The following RYR2 variants were observed in gnomAD, a reference collection of about 807,000 sequenced individuals.
RYR2 encodes the protein cardiac muscle ryanodine receptor-calcium release channel.
In RYR2, 227 loss-of-function variants were observed where a neutral mutation model predicts 601.1. The observed-to-expected ratio is 0.38, with a 90% CI of 0.34 to 0.42. The LOEUF (loss-of-function observed/expected upper bound fraction) is 0.42, where lower values mean the gene tolerates loss of function less well. RYR2 is among the 10% of genes least tolerant of loss of function. The probability of loss-of-function intolerance (pLI) is 1.00; values close to 1 mark genes in which losing one functional copy is unlikely to be tolerated. For missense variants in RYR2, 4,646 were observed against 6,156.5 expected (o/e 0.75, Z 8.21); for synonymous variants, 2,223 against 2,175.1 (o/e 1.02, Z -0.61).
intron 1 of RYR2, among the ~76,000 whole-genome samples, chr1:237,100,390 C>CCTCTCTCT (rs34925489): frequency 1.4e-5 from 2 of 146,116 alleles, no homozygotes; most frequent in African/African-American, 5.0e-5. Context: ...TTTTTTCTTT[C>CCTCTCTCT]CTCTCTCTCT....
At chr1:237,344,467 A>G (rs1698121396) in intron 3 of RYR2, among the ~76,000 whole-genome samples, 1 of 152,188 alleles carries the variant, frequency 6.6e-6, no homozygotes, top group African/African-American at 2.4e-5. Context: ...CACTTAATTC[A>G]GGTATATATT....
intron 1 of RYR2, among the ~76,000 whole-genome samples, chr1:237,138,423 C>T (rs1673039336): frequency 6.6e-6 from 1 of 151,998 alleles, no homozygotes. Context: ...AGAACCATGG[C>T]CTAGGAGACA....
chr1:237,520,283 A>G (rs1354526734), intron 24 of RYR2, among the ~76,000 whole-genome samples: 1 of 152,164 alleles, frequency 6.6e-6, no homozygotes, highest in Non-Finnish European at 1.5e-5. Flanking sequence ...TTTCCAGTTT[A>G]GATGCCATTT....
rs372575878 is a variant in RYR2, at chr1:237,506,725, C to T, written c.2629C>T (p.His877Tyr). Residue 877 changes from histidine (H) to tyrosine (Y), a missense_variant, in exon 23 of 105, where the codon CAT becomes TAT. Transcript: ENST00000366574. ...VDTSQIVLPP[H>Y]LERIREKLAE... is the part of the protein sequence containing the mutation. ...TAAATTTTAGATCGTGTTGCCTCCT[C>T]ATCTAGAAAGAATAAGAGAAAAACT... The T allele has an allele frequency of 9.6e-5, 154 of 1,612,410 alleles. No individual in the cohort carries two copies. The highest frequency in any genetic ancestry group is 1.3e-4 in the Admixed American group (8 of 59,868).
intron 20 of RYR2, among the ~76,000 whole-genome samples, chr1:237,499,486 C>T (rs919052096): frequency 3.3e-5 from 5 of 152,054 alleles, no homozygotes; most frequent in Admixed American, 2.0e-4. Context: ...TAATAGATAT[C>T]GTGTAAATAA....
chr1:237,581,850 A>T (rs891824416), intron 29 of RYR2, among the ~76,000 whole-genome samples: 1 of 152,196 alleles, frequency 6.6e-6, no homozygotes, highest in African/African-American at 2.4e-5. Flanking sequence ...TTGTCAGAGG[A>T]AGGAAGAAAT....
intron 44 of RYR2, among the ~76,000 whole-genome samples, chr1:237,636,310 A>C (rs1366848805): frequency 6.6e-6 from 1 of 152,096 alleles, no homozygotes; most frequent in Admixed American, 6.5e-5. Context: ...CTGCCTTTAG[A>C]GAACAGTGTC....
intron 60 of RYR2, among the ~76,000 whole-genome samples, chr1:237,675,524 C>T (rs887133739): frequency 3.3e-5 from 5 of 152,132 alleles, no homozygotes; most frequent in Non-Finnish European, 7.4e-5. Context: ...CGTAGTAATA[C>T]GATGTAAGGA....
At chr1:237,379,928 G>A (rs1250409341) in intron 8 of RYR2, among the ~76,000 whole-genome samples, 3 of 152,110 alleles carry the variant, frequency 2.0e-5, no homozygotes, top group Admixed American at 2.0e-4. Context: ...TATGGACCTA[G>A]CATATAGCAG....
Position 237,445,135 on chromosome 1 carries a change from C to T in RYR2, c.1171-266C>T, listed in dbSNP as rs74147271. Among the ~76,000 whole-genome samples, 5,659 of 152,078 alleles carry T rather than the reference C, an allele frequency of 0.037. 236 individuals are homozygous for T. Among genetic ancestry groups the T allele is most frequent in the African/African-American group, 0.11 (4,443 of 41,460 alleles). On this transcript the variant is annotated intron_variant, in intron 13 of 104. Coordinates refer to ENST00000366574, the MANE Select transcript of RYR2 (RefSeq NM_001035.3). ...GGCAGAGGGAGAAGGATCACTGAAG[C>T]CCAGGAGTTCAAGACCAGCCTGGGC... is the stretch of plus-strand genomic sequence containing the variant.
chr1:237,113,445 C>A (rs1222091846), intron 1 of RYR2, among the ~76,000 whole-genome samples: 2 of 152,088 alleles, frequency 1.3e-5, no homozygotes, highest in African/African-American at 4.8e-5. Context: ...AGATGATCCA[C>A]CTGCCTCAGC....
intron 1 of RYR2, among the ~76,000 whole-genome samples, chr1:237,142,197 A>C (rs1193485688): frequency 6.6e-6 from 1 of 152,190 alleles, no homozygotes; most frequent in African/African-American, 2.4e-5. Flanking sequence ...AGGCATACAC[A>C]CTTGAGCACA....
At chr1:237,358,506 G>A (rs914513496) in intron 4 of RYR2, among the ~76,000 whole-genome samples, 1 of 151,940 alleles carries the variant, frequency 6.6e-6, no homozygotes, top group African/African-American at 2.4e-5. Context: ...CTCTGTGGGC[G>A]CTTGGCATTG....
Position 237,784,571 on chromosome 1 carries a change from T to A in RYR2, c.12859T>A (p.Tyr4287Asn), listed in dbSNP as rs190009333. ...KDMVTAFFSS[Y>N]WSIFMTLLHF... The stretch of plus-strand genomic sequence containing the variant: ...CATGGTCACGGCCTTCTTTTCATCC[T>A]ACTGGAGTATTTTCATGACCCTCTT... Residue 4287 changes from tyrosine to asparagine, a missense_variant, in exon 90 of 105, where the codon TAC becomes AAC. Transcript: ENST00000366574. This position sits in a 1 kb window ranked among gnomAD's most constrained non-coding sequence, Gnocchi z 7.1. 3 of 1,613,992 alleles carry A rather than the reference T, an allele frequency of 1.9e-6. No homozygotes were observed. In the Admixed American group the frequency reaches 5.0e-5, roughly 27 times the overall value.
At chr1:237,119,487 T>C (rs1387287243) in intron 1 of RYR2, among the ~76,000 whole-genome samples, 2 of 152,080 alleles carry the variant, frequency 1.3e-5, no homozygotes, top group Non-Finnish European at 2.9e-5. Context: ...TCTGAATGCT[T>C]GAGTTGGTCA....
rs889487335 is a variant in RYR2, at chr1:237,670,904, T to C, written c.8590+2946T>C. 3.9e-5 allele frequency among the ~76,000 whole-genome samples: 6 copies of C among 152,260 alleles called. No individual in the cohort carries two copies. In the East Asian group the frequency reaches 1.2e-3, roughly 29 times the overall value. Reference sequence around the variant, plus strand: ...TTGGAACATTTGGATTTCAGATTTTTAGATTAGACCTATTCAACCTATATG... The same window carrying C: ...TTGGAACATTTGGATTTCAGATTTTCAGATTAGACCTATTCAACCTATATG... On this transcript the variant is annotated intron_variant, in intron 58 of 104. Transcript: ENST00000366574.
intron 10 of RYR2, among the ~76,000 whole-genome samples, chr1:237,402,407 AAT>A (rs1553437929): frequency 1.3e-3 from 188 of 150,014 alleles, no homozygotes; most frequent in African/African-American, 4.1e-3. Flanking sequence ...AAGAAAAAAA[AAT>A]ATATATATGT....
At chr1:237,657,525 A>G (rs1244652522) in intron 53 of RYR2, among the ~76,000 whole-genome samples, 1 of 151,934 alleles carries the variant, frequency 6.6e-6, no homozygotes, top group Non-Finnish European at 1.5e-5. Context: ...AGTTAATACC[A>G]GTAACATTTA....
chr1:237,491,681 A>G, intron 17 of RYR2, 125 bp from the exon 18 acceptor site: 3 of 592,064 alleles, frequency 5.1e-6, no homozygotes, highest in Non-Finnish European at 9.2e-6. Context: ...GCCTTGTAAC[A>G]GTCACATTGA....
Sources: gnomAD v4.1 joint callset for allele counts (sites outside exome capture counted in the v4.1 genomes callset) on GRCh38, gnomAD v4.1.1 for gene constraint, Gnocchi (gnomAD v3.1) non-coding constraint, MANE v1.5 for transcripts, NCBI Gene and HGNC (gene_info 2026-07-23, HGNC 2026-07-21) for gene names.